Variants in MARCHF6 observed in about 807,000 individuals in gnomAD.
MARCHF6 encodes membrane associated ring-CH-type finger 6.
In MARCHF6, 31 loss-of-function variants were observed where a neutral mutation model predicts 133.7. The ratio of observed to expected loss-of-function variants is 0.23; its 90% CI spans 0.17 to 0.31. The LOEUF (loss-of-function observed/expected upper bound fraction) is 0.31, where lower values mean the gene tolerates loss of function less well. Ranked by LOEUF, MARCHF6 falls within the 10% of genes least tolerant of loss-of-function variation. The pLI is 1.00. For missense variants in MARCHF6, 723 were observed against 1,121.6 expected, an observed-to-expected ratio of 0.64 and a Z score of 5.08; for synonymous variants, 395 against 402.5, an observed-to-expected ratio of 0.98 and a Z score of 0.22.
chr5:10,413,378 C>T (rs1739337919), intron 19 of MARCHF6: 2 of 152,208 alleles, frequency 1.3e-5, no homozygotes, highest in African/African-American at 4.8e-5. Flanking sequence ...TCAGAGTCTC[C>T]TGGGTTTTGT....
At chr5:10,365,067 T>G (rs1444659647) in intron 1 of MARCHF6, among the ~76,000 whole-genome samples, 1 of 151,848 alleles carries the variant, frequency 6.6e-6, no homozygotes, top group Non-Finnish European at 1.5e-5. Context: ...CCTCCCAAAG[T>G]GCTGAGATTA....
intron 9 of MARCHF6, 60 bp from the exon 10 acceptor site, chr5:10,397,233 C>G: frequency 8.2e-7 from 1 of 1,223,822 alleles, no homozygotes; most frequent in Non-Finnish European, 1.1e-6. Context: ...GTGGAATAGT[C>G]CAATTAAACA....
chr5:10,430,286 TTTTTTTTTTTTGGTGGTGG>T (rs1347958658), intron 25 of MARCHF6, among the ~76,000 whole-genome samples: 2 of 138,726 alleles, frequency 1.4e-5, no homozygotes, highest in African/African-American at 5.4e-5. Flanking sequence ...GAGAGGGAGG[TTTTTTTTTTTTGGTGGTGG>T]TTTTTTTTTT....
intron 21 of MARCHF6, 25 bp downstream of exon 21, chr5:10,415,694 A>G: frequency 1.3e-6 from 2 of 1,550,230 alleles, no homozygotes; most frequent in South Asian, 1.2e-5. Context: ...TACAAGACTG[A>G]TCTTGTATGT....
intron 25 of MARCHF6, among the ~76,000 whole-genome samples, chr5:10,432,535 C>A (rs1001505297): frequency 1.3e-5 from 2 of 152,246 alleles, no homozygotes; most frequent in African/African-American, 4.8e-5. Context: ...GATCAGCCTG[C>A]AAGCCATCTG....
chr5:10,424,505 A>G (rs1013091370), intron 23 of MARCHF6, among the ~76,000 whole-genome samples: 6 of 152,332 alleles, frequency 3.9e-5, no homozygotes, highest in Admixed American at 3.9e-4. Context: ...AACAATCCTT[A>G]TGCCTAAGAG....
At chr5:10,365,293 A>AATTATT (rs916041154) in intron 1 of MARCHF6, among the ~76,000 whole-genome samples, 1 of 151,268 alleles carries the variant, frequency 6.6e-6, no homozygotes, top group Non-Finnish European at 1.5e-5. Flanking sequence ...AGAGAATTGG[A>AATTATT]ATTATTATTA....
intron 1 of MARCHF6, among the ~76,000 whole-genome samples, chr5:10,369,243 CAGAAAGT>C (rs1736316851): frequency 6.6e-6 from 1 of 152,188 alleles, no homozygotes; most frequent in Admixed American, 6.5e-5. Flanking sequence ...AGTGTATGCC[CAGAAAGT>C]GGAAAGTGAG....
chr5:10,387,599 G>A lies in MARCHF6; in HGVS notation c.407+533G>A, dbSNP rs114712621. Among the ~76,000 whole-genome samples, 437 of 152,210 alleles carry A rather than the reference G, an allele frequency of 2.9e-3. 3 individuals carry two copies. Among genetic ancestry groups the A allele is most frequent in the African/African-American group, 0.01 (420 of 41,542 alleles). ...ATTACAGGCGTGAGCCACCGCGCCC[G>A]TCCGGGATGACTTTTTAAATAGGCT... On this transcript the variant is annotated intron_variant, in intron 5 of 25. Transcript: ENST00000274140.
intron 1 of MARCHF6, among the ~76,000 whole-genome samples, chr5:10,361,769 CT>C (rs555422915): frequency 9.1e-4 from 135 of 147,658 alleles, no homozygotes; most frequent in South Asian, 8.6e-4. Flanking sequence ...ATTATAATAT[CT>C]TTTTTTTTTT....
chr5:10,400,451 C>T (rs1320774106), intron 10 of MARCHF6, among the ~76,000 whole-genome samples: 1 of 152,072 alleles, frequency 6.6e-6, no homozygotes, highest in Non-Finnish European at 1.5e-5. Flanking sequence ...TTATTTTGGA[C>T]TTTTCCTTTT....
chr5:10,354,114 C>T (rs1474287302), intron 1 of MARCHF6, 197 bp downstream of exon 1: 5 of 395,944 alleles, frequency 1.3e-5, no homozygotes, highest in African/African-American at 2.1e-5. Context: ...CCGCCCGCGC[C>T]GCCGAGGGGG....
At chr5:10,405,902 C>T (rs1738856529) in intron 16 of MARCHF6, among the ~76,000 whole-genome samples, 2 of 152,008 alleles carry the variant, frequency 1.3e-5, no homozygotes, top group South Asian at 2.1e-4. Context: ...TTCCTTGTTC[C>T]ATAGTAGTAT....
At chr5:10,368,641 G>A (rs186967941) in intron 1 of MARCHF6, among the ~76,000 whole-genome samples, 20 of 152,190 alleles carry the variant, frequency 1.3e-4, no homozygotes, top group African/African-American at 2.4e-4. Flanking sequence ...GTGCAGTGGC[G>A]TCATCTCGGT....
chr5:10,358,051 C>T (rs1226882690), intron 1 of MARCHF6, among the ~76,000 whole-genome samples: 1 of 145,134 alleles, frequency 6.9e-6, no homozygotes, highest in Non-Finnish European at 1.5e-5. Flanking sequence ...CACTAGGGGT[C>T]GCAGTTTTAA....
rs771983984 is a variant in MARCHF6, at chr5:10,410,270, A to T, written c.1685A>T (p.Tyr562Phe). Residue 562 changes from tyrosine (Y) to phenylalanine (F), a missense_variant, in exon 18 of 26, where the codon TAC becomes TTC. Around this residue, in one of 4 missense-constraint regions of MARCHF6, gnomAD observed 492 missense variants for 699.5 expected, o/e 0.70. Coordinates refer to ENST00000274140, the MANE Select transcript of MARCHF6 (RefSeq NM_005885.4). ...LVRAWTVTAG[Y>F]LLDLHSYLLG... ...CGAGCGTGGACTGTGACCGCCGGAT[A>T]CTTGCTGTGAGTATGGGCAGCTGAC... is the stretch of plus-strand genomic sequence containing the variant. 6.2e-7 allele frequency: 1 copy of T among 1,612,618 alleles called. No individual in the cohort carries two copies.
chr5:10,417,931 T>C (rs1442109539), intron 22 of MARCHF6, among the ~76,000 whole-genome samples: 2 of 152,204 alleles, frequency 1.3e-5, no homozygotes, highest in Non-Finnish European at 2.9e-5. Context: ...ACTAACCATT[T>C]AGTCTTCTCT....
chr5:10,425,637 G>A (rs978853698), intron 23 of MARCHF6, among the ~76,000 whole-genome samples: 3 of 152,222 alleles, frequency 2.0e-5, no homozygotes, highest in African/African-American at 7.2e-5. Context: ...CCGAGGTGAT[G>A]GGGTTGAGTT....
In MARCHF6 at chr5:10,435,263, T is replaced by C. The variant is rs938306406; in HGVS notation, c.*1579T>C. 1.3e-5 allele frequency: 2 copies of C among 152,516 alleles called. No homozygotes were observed. The highest frequency in any genetic ancestry group is 2.9e-5 in the Non-Finnish European group (2 of 68,022). The allele number at this position is 152,516 out of a possible 1,614,324, so 9.4% of individuals were successfully genotyped here. On this transcript the variant is annotated 3_prime_UTR_variant, in exon 26 of 26. Transcript: ENST00000274140. ...ATTTTTTCCCTAAGTGGTAAGCAAT[T>C]ACTTTAAAACATATTTTTAAAAACA...
Sources: gnomAD v4.1 joint callset for allele counts (sites outside exome capture counted in the v4.1 genomes callset) on GRCh38, gnomAD v4.1.1 for gene constraint, gnomAD v4.1.1 regional missense constraint, MANE v1.5 for transcripts, NCBI Gene and HGNC (gene_info 2026-07-23, HGNC 2026-07-21) for gene names.